Variants in TXN2 observed in about 807,000 individuals in gnomAD.
TXN2 encodes the protein thioredoxin, mitochondrial.
A neutral mutation model predicts 14.6 loss-of-function variants in TXN2; 12 were observed. The observed-to-expected ratio is 0.82, with a 90% CI of 0.53 to 1.33. The LOEUF (loss-of-function observed/expected upper bound fraction) is 1.33. Among genes scored for constraint, TXN2 ranks in the 40% most tolerant of loss-of-function variants. TXN2 has a pLI of 0.00. For missense variants in TXN2, 173 were observed against 207.7 expected, an observed-to-expected ratio of 0.83 and a Z score of 1.03; for synonymous variants, 89 against 81.0, an observed-to-expected ratio of 1.10 and a Z score of -0.53.
At chr22:36,478,764 A>C (rs1022484136) in intron 2 of TXN2, among the ~76,000 whole-genome samples, 4 of 152,014 alleles carry the variant, frequency 2.6e-5, no homozygotes, top group East Asian at 3.8e-4. Context: ...CAGGAGTTTG[A>C]GAGACTAGCC....
intron 3 of TXN2, among the ~76,000 whole-genome samples, chr22:36,470,361 CG>C: frequency 6.6e-6 from 1 of 152,162 alleles, no homozygotes. Flanking sequence ...GAGCAGGGCC[CG>C]AAAGAGTTTG....
intron 3 of TXN2, 91 bp downstream of exon 3, chr22:36,476,642 G>A (rs866754867): frequency 3.9e-6 from 6 of 1,542,032 alleles, no homozygotes; most frequent in Middle Eastern, 2.2e-4. Flanking sequence ...CTGGCTACCT[G>A]TGCTCCCCAA....
chr22:36,481,594 G>C lies in TXN2; in HGVS notation c.-31C>G. The C allele has an allele frequency of 3.0e-6, 3 of 999,814 alleles. No homozygotes were observed. The highest frequency in any genetic ancestry group is 3.6e-6 in the Non-Finnish European group (3 of 829,992). 61.9% of individuals were successfully genotyped at this position (999,814 alleles called of 1,614,324 possible). On this transcript the variant is annotated 5_prime_UTR_variant, in exon 1 of 4. Coordinates refer to ENST00000216185, the MANE Select transcript of TXN2 (RefSeq NM_012473.4). ...TGCAATGCGAGCGGAGGGATGCACA[G>C]CCTAGCCCTCCCTGCCTGTCAAGGG...
chr22:36,472,352 G>T (rs999848397), intron 3 of TXN2, among the ~76,000 whole-genome samples: 2 of 152,156 alleles, frequency 1.3e-5, no homozygotes, highest in Non-Finnish European at 2.9e-5. Context: ...GATGATGCTA[G>T]AATGTGGACA....
chr22:36,477,145 G>A (rs1216183577), intron 2 of TXN2, among the ~76,000 whole-genome samples: 3 of 152,290 alleles, frequency 2.0e-5, no homozygotes, highest in Admixed American at 2.0e-4. Context: ...ATATGGGATT[G>A]GAAGTTAAAA....
intron 3 of TXN2, among the ~76,000 whole-genome samples, chr22:36,473,072 C>T (rs1036425712): frequency 6.6e-6 from 1 of 152,054 alleles, no homozygotes; most frequent in Non-Finnish European, 1.5e-5. Context: ...TCTGGGAGGC[C>T]GAGGTGGGCG....
chr22:36,467,834 C>T lies in TXN2; in HGVS notation c.471G>A (p.Leu157=). The T allele has an allele frequency of 1.2e-6, 2 of 1,614,152 alleles. No individual in the cohort carries two copies. Among genetic ancestry groups the T allele is most frequent in the Non-Finnish European group, 1.7e-6 (2 of 1,180,028 alleles). The change falls in exon 4 of 4, where the codon TTG becomes TTA. Residue 157 remains leucine (L), a synonymous_variant. Transcript: ENST00000216185. ...KFVGIKDEDQ[L]EAFLKKLIG ...CAATCAGCTTCTTCAGGAAGGCCTC[C>T]AACTGATCCTCATCCTTGATGCCCA...
chr22:36,467,349 G>T lies in TXN2; in HGVS notation c.*455C>A, dbSNP rs1299649920. The T allele has an allele frequency of 5.9e-6, 1 of 170,492 alleles. No individual in the cohort carries two copies. Among genetic ancestry groups the T allele is most frequent in the Non-Finnish European group, 1.3e-5 (1 of 78,536 alleles). The allele number at this position is 170,492 out of a possible 1,614,324, so 10.6% of individuals were successfully genotyped here. A position where few individuals can be genotyped will look rare whatever the true frequency, so the allele number is the denominator to read the frequency against. On this transcript the variant is annotated 3_prime_UTR_variant, in exon 4 of 4. Coordinates refer to ENST00000216185, the MANE Select transcript of TXN2 (RefSeq NM_012473.4). ...AGACCTACAAAAAATGAGATAATTA[G>T]ATATTACTCTCACTAGTTTGGGCTT...
At chr22:36,474,686 A>G (rs1216910962) in intron 3 of TXN2, among the ~76,000 whole-genome samples, 1 of 152,206 alleles carries the variant, frequency 6.6e-6, no homozygotes, top group Non-Finnish European at 1.5e-5. Context: ...GTGCCAGACT[A>G]AAAGTGTCTG....
chr22:36,479,180 G>A (rs183162373), intron 2 of TXN2, among the ~76,000 whole-genome samples: 201 of 152,244 alleles, frequency 1.3e-3, no homozygotes, highest in Non-Finnish European at 2.3e-3. Context: ...AAAACCCAGT[G>A]TGCAAGACCT....
At chr22:36,474,206 C>A (rs1047826491) in intron 3 of TXN2, among the ~76,000 whole-genome samples, 2 of 152,180 alleles carry the variant, frequency 1.3e-5, no homozygotes, top group African/African-American at 4.8e-5. Context: ...TCACCCCTCC[C>A]CCAGCCCCTG....
At chr22:36,474,798 A>C (rs5756202) in intron 3 of TXN2, among the ~76,000 whole-genome samples, 28,649 of 151,902 alleles carry the variant, frequency 0.19, 2,991 homozygotes, top group African/African-American at 0.28. Context: ...CGGCTGCATT[A>C]TGCTTTCCCC....
At chr22:36,468,665 C>T (rs1458415198) in intron 3 of TXN2, 1 of 449,908 alleles carries the variant, frequency 2.2e-6, no homozygotes, top group Non-Finnish European at 4.5e-6. Flanking sequence ...ACTGAGGCTT[C>T]AGTGAGCTGT....
At chr22:36,475,239 G>T (rs1169125409) in intron 3 of TXN2, among the ~76,000 whole-genome samples, 1 of 148,754 alleles carries the variant, frequency 6.7e-6, no homozygotes, top group Non-Finnish European at 1.5e-5. Context: ...ATTAGCCGGC[G>T]TGGTGGCGCG....
rs775986664 is a variant in TXN2, at chr22:36,467,875, C to G, written c.430G>C (p.Val144Leu). 1.2e-6 allele frequency: 2 copies of G among 1,614,238 alleles called. No individual in the cohort carries two copies. The highest frequency in any genetic ancestry group is 2.2e-5 in the East Asian group (1 of 44,876). Residue 144 changes from valine (V) to leucine (L), a missense_variant, in exon 4 of 4, where the codon GTG becomes CTG. Transcript: ENST00000216185. ...PTVLAMKNGD[V>L]VDKFVGIKDE... Reference sequence around the variant, plus strand: ...TTGATGCCCACAAACTTGTCCACCACGTCCCCATTCTTCATGGCCAGCACA... The same window carrying G: ...TTGATGCCCACAAACTTGTCCACCAGGTCCCCATTCTTCATGGCCAGCACA...
intron 3 of TXN2, among the ~76,000 whole-genome samples, chr22:36,468,367 TCA>T (rs1005812322): frequency 1.3e-5 from 2 of 152,206 alleles, no homozygotes. Flanking sequence ...TTTCTGAGCC[TCA>T]GTGTCCTTTT....
At chr22:36,479,449 A>T (rs368624832) in intron 2 of TXN2, among the ~76,000 whole-genome samples, 37 of 151,192 alleles carry the variant, frequency 2.4e-4, no homozygotes, top group African/African-American at 8.5e-4. Context: ...CTCCTGCCTC[A>T]GCCTCTTGGG....
At chr22:36,479,812 C>T (rs1933460624) in intron 2 of TXN2, among the ~76,000 whole-genome samples, 2 of 151,674 alleles carry the variant, frequency 1.3e-5, no homozygotes, top group African/African-American at 4.8e-5. Flanking sequence ...AAAGCAAACT[C>T]AGATAGCACT....
intron 3 of TXN2, among the ~76,000 whole-genome samples, chr22:36,470,631 G>A (rs753931444): frequency 1.6e-4 from 24 of 152,036 alleles, no homozygotes; most frequent in Non-Finnish European, 3.1e-4. Flanking sequence ...TGGACTTAGC[G>A]TTCCTTAAGA....
Sources: allele counts gnomAD v4.1 joint callset (sites outside exome capture counted in the v4.1 genomes callset), GRCh38; gene constraint gnomAD v4.1.1; transcripts MANE v1.5; gene names NCBI Gene and HGNC (gene_info 2026-07-23, HGNC 2026-07-21).